Variants in SCN8A observed in about 807,000 individuals in gnomAD.
SCN8A encodes sodium voltage-gated channel alpha subunit 8, also known as sodium channel protein type 8 subunit alpha.
Under a neutral mutation model 184.1 loss-of-function variants are expected in SCN8A, and 30 were observed. The ratio of observed to expected loss-of-function variants is 0.16; its 90% CI spans 0.12 to 0.22. The LOEUF (loss-of-function observed/expected upper bound fraction) is 0.22. Ranked by LOEUF, SCN8A falls within the 10% of genes least tolerant of loss-of-function variation. The probability of loss-of-function intolerance (pLI) is 1.00; values close to 1 mark genes in which losing one functional copy is unlikely to be tolerated. For synonymous variants in SCN8A, 852 were observed against 907.0 expected, an observed-to-expected ratio of 0.94 and a Z score of 1.09; for missense variants, 1,057 against 2,498.9, an observed-to-expected ratio of 0.42 and a Z score of 12.30.
At chr12:51,737,633 A>C (rs540385228) in intron 12 of SCN8A, among the ~76,000 whole-genome samples, 1 of 152,304 alleles carries the variant, frequency 6.6e-6, no homozygotes, top group African/African-American at 2.4e-5. Context: ...TCAGGTCCCC[A>C]AGTAGGAGTA....
Position 51,754,323 on chromosome 12 carries a change from CTT to C in SCN8A, c.2370+2745_2370+2746del, listed in dbSNP as rs35536426. On this transcript the variant is annotated intron_variant, in intron 14 of 26. Transcript: ENST00000627620. Reference sequence around the variant, plus strand: ...GTTTCAAGTACAGTACAAAAAACTTCTTTTTTTTTTTTTTTTACAATAAAAGC... The same window carrying C: ...GTTTCAAGTACAGTACAAAAAACTTCTTTTTTTTTTTTTTACAATAAAAGC... Among the ~76,000 whole-genome samples, 1,266 of 144,304 alleles carry C rather than the reference CTT, an allele frequency of 8.8e-3. 3 individuals carry two copies. Among genetic ancestry groups the C allele is most frequent in the Admixed American group, 0.01 (147 of 14,522 alleles). The allele number at this position is 144,304 out of a possible 152,430, so 94.7% of individuals were successfully genotyped here. A position where few individuals can be genotyped will look rare whatever the true frequency, so the allele number is the denominator to read the frequency against.
At chr12:51,796,395 C>T (rs770082042) in intron 26 of SCN8A, among the ~76,000 whole-genome samples, 4 of 152,114 alleles carry the variant, frequency 2.6e-5, no homozygotes, top group South Asian at 2.1e-4. Context: ...GGCCACTTAT[C>T]GTTGAGTGAC....
At chr12:51,773,083 C>T (rs541099896) in intron 19 of SCN8A, among the ~76,000 whole-genome samples, 2 of 151,960 alleles carry the variant, frequency 1.3e-5, no homozygotes, top group Admixed American at 6.5e-5. Context: ...CACCACTGCA[C>T]TCCATCCTGG....
chr12:51,684,924 T>C (rs923103258), intron 3 of SCN8A, among the ~76,000 whole-genome samples: 3 of 152,028 alleles, frequency 2.0e-5, no homozygotes, highest in African/African-American at 7.3e-5. Context: ...AAATGAAAAA[T>C]TATTTGATGG....
At chr12:51,684,733 G>A (rs901688129) in intron 3 of SCN8A, among the ~76,000 whole-genome samples, 1 of 152,190 alleles carries the variant, frequency 6.6e-6, no homozygotes, top group Non-Finnish European at 1.5e-5. Flanking sequence ...TTTTTGAGCA[G>A]TGAGCTTAGA....
At position 51,807,502 on chromosome 12, in the gene SCN8A, A is replaced by G. The variant is rs1938743132; in HGVS notation, c.*73A>G. ...AAGATTGTTTACAAACTTCCTGAAT[A>G]TTATCAATGCAGAACAGCTGTGGAG... is the stretch of plus-strand genomic sequence containing the variant. On this transcript the variant is annotated 3_prime_UTR_variant, in exon 27 of 27. Coordinates refer to ENST00000627620, the MANE Select transcript of SCN8A (RefSeq NM_001330260.2). The surrounding 1 kb of genome is among the most constrained non-coding windows in gnomAD (Gnocchi z 4.5). 2.1e-6 allele frequency: 3 copies of G among 1,444,474 alleles called. No individual in the cohort carries two copies. Among genetic ancestry groups the G allele is most frequent in the Non-Finnish European group, 2.9e-6 (3 of 1,051,710 alleles). 89.5% of individuals were successfully genotyped at this position (1,444,474 alleles called of 1,614,324 possible). A position where few individuals can be genotyped will look rare whatever the true frequency, so the allele number is the denominator to read the frequency against.
intron 1 of SCN8A, among the ~76,000 whole-genome samples, chr12:51,619,239 A>G (rs1475215921): frequency 6.6e-6 from 1 of 152,204 alleles, no homozygotes; most frequent in East Asian, 1.9e-4. Flanking sequence ...AGCTGTGCAG[A>G]ATGCCATTAA....
At chr12:51,788,828 AAG>A in intron 23 of SCN8A, 80 bp downstream of exon 23, 1 of 1,176,176 alleles carries the variant, frequency 8.5e-7, no homozygotes, top group East Asian at 2.6e-5. Flanking sequence ...CCCACCAAGA[AAG>A]AGGAAGGGAT....
chr12:51,748,460 C>A (rs975416353), intron 13 of SCN8A, among the ~76,000 whole-genome samples: 1 of 152,046 alleles, frequency 6.6e-6, no homozygotes, highest in South Asian at 2.1e-4. Context: ...GAGCTATAAG[C>A]TTTGGGGATA....
chr12:51,784,817 G>T (rs1007629435), intron 21 of SCN8A, among the ~76,000 whole-genome samples: 1 of 152,166 alleles, frequency 6.6e-6, no homozygotes, highest in African/African-American at 2.4e-5. Context: ...CCCATAGTAT[G>T]TGGGACAGGT....
chr12:51,658,358 AT>A (rs916864361), intron 1 of SCN8A, among the ~76,000 whole-genome samples: 1 of 151,750 alleles, frequency 6.6e-6, no homozygotes, highest in Non-Finnish European at 1.5e-5. Flanking sequence ...AGGTCTTACT[AT>A]TTTTTTGGTG....
At chr12:51,608,603 T>C (rs115418010) in intron 1 of SCN8A, among the ~76,000 whole-genome samples, 1 of 152,168 alleles carries the variant, frequency 6.6e-6, no homozygotes, top group East Asian at 1.9e-4. Context: ...TTTTGTTTCT[T>C]ATTGAGGTTA....
chr12:51,707,845 T>C (rs1941809854), intron 11 of SCN8A, among the ~76,000 whole-genome samples: 1 of 152,230 alleles, frequency 6.6e-6, no homozygotes, highest in Admixed American at 6.5e-5. Flanking sequence ...ATCTGGTTTT[T>C]CTAATCCCAC....
At chr12:51,786,910 C>T in intron 22 of SCN8A, 84 bp downstream of exon 22, 1 of 1,285,254 alleles carries the variant, frequency 7.8e-7, no homozygotes, top group South Asian at 1.4e-5. Flanking sequence ...CTTCTCAACC[C>T]TACTTCTAGA....
At chr12:51,788,860 C>T (rs912073079) in intron 23 of SCN8A, 112 bp downstream of exon 23, 24 of 799,192 alleles carry the variant, frequency 3.0e-5, no homozygotes, top group South Asian at 2.8e-4. Context: ...GAGGAGTTGA[C>T]GTTTCTCTTT....
At chr12:51,612,969 C>T (rs188133207) in intron 1 of SCN8A, among the ~76,000 whole-genome samples, 7 of 152,234 alleles carry the variant, frequency 4.6e-5, no homozygotes, top group South Asian at 2.1e-4. Flanking sequence ...GTGATCCAAC[C>T]GCCCTGCCTC....
intron 26 of SCN8A, among the ~76,000 whole-genome samples, chr12:51,803,274 G>A (rs990686900): frequency 2.6e-5 from 4 of 152,084 alleles, no homozygotes; most frequent in African/African-American, 4.8e-5. Flanking sequence ...AGCATCCAGC[G>A]CGGGAGGAGA....
intron 6 of SCN8A, among the ~76,000 whole-genome samples, chr12:51,697,389 A>G (rs1041498174): frequency 6.6e-6 from 1 of 152,210 alleles, no homozygotes; most frequent in Non-Finnish European, 1.5e-5. Flanking sequence ...CTCCCAATAA[A>G]AATGTATTAA....
intron 12 of SCN8A, among the ~76,000 whole-genome samples, chr12:51,739,205 G>T (rs1244092168): frequency 6.6e-6 from 1 of 152,022 alleles, no homozygotes; most frequent in Non-Finnish European, 1.5e-5. Flanking sequence ...AAAGGAAAAG[G>T]CTCAAATGTA....
Sources: gnomAD v4.1 joint callset for allele counts (sites outside exome capture counted in the v4.1 genomes callset) on GRCh38, gnomAD v4.1.1 for gene constraint, Gnocchi (gnomAD v3.1) non-coding constraint, MANE v1.5 for transcripts, NCBI Gene and HGNC (gene_info 2026-07-23, HGNC 2026-07-21) for gene names.